The following SCHIP1 variants were observed in gnomAD, a reference collection of about 807,000 sequenced individuals.
SCHIP1 encodes the protein schwannomin-interacting protein 1.
Under a neutral mutation model 29.7 loss-of-function variants are expected in SCHIP1, and 8 were observed. The observed-to-expected ratio is 0.27, with a 90% CI of 0.16 to 0.49. The LOEUF (loss-of-function observed/expected upper bound fraction) is 0.49. Ranked by LOEUF, SCHIP1 falls within the 20% of genes least tolerant of loss-of-function variation. SCHIP1 has a pLI of 0.99. For missense variants in SCHIP1, 193 were observed against 294.6 expected (o/e 0.66, Z 2.52); for synonymous variants, 76 against 94.9 (o/e 0.80, Z 1.16).
chr3:159,710,923 C>T, the SCHIP1 span, among the ~76,000 whole-genome samples: 25 of 152,074 alleles, frequency 1.6e-4, no homozygotes, highest in African/African-American at 5.8e-4. Context: ...AGCCTCTGGC[C>T]CTACCTTTCT....
At chr3:159,568,802 A>C in the SCHIP1 span, among the ~76,000 whole-genome samples, 1 of 152,118 alleles carries the variant, frequency 6.6e-6, no homozygotes, top group South Asian at 2.1e-4. Flanking sequence ...TTCGTCTATC[A>C]ATTACTGACA....
the SCHIP1 span, among the ~76,000 whole-genome samples, chr3:159,275,480 G>A: frequency 1.3e-5 from 2 of 152,080 alleles, no homozygotes; most frequent in Non-Finnish European, 2.9e-5. Flanking sequence ...CTGTGAAATG[G>A]TGTCAGATTT....
chr3:159,408,560 G>A, the SCHIP1 span, among the ~76,000 whole-genome samples: 8 of 152,124 alleles, frequency 5.3e-5, no homozygotes, highest in Middle Eastern at 3.4e-3. Context: ...CAATAAATTG[G>A]AAAACCTAGA....
Position 159,886,233 on chromosome 3 carries a change from T to TA in SCHIP1, c.177dup (p.Cys60MetfsTer9). On this transcript the variant is annotated frameshift_variant, in exon 3 of 7. Transcript: ENST00000445224. LOFTEE classifies it high-confidence loss of function. Reference sequence around the variant, plus strand: ...CTGCAGAGTGGGATGAACTTGCAGATATGCTTTGTCAACGACAGTGGCAGT... The same window carrying TA: ...CTGCAGAGTGGGATGAACTTGCAGATAATGCTTTGTCAACGACAGTGGCAGT... 1 of 1,614,220 alleles carries TA rather than the reference T, an allele frequency of 6.2e-7. No individual in the cohort carries two copies. The highest frequency in any genetic ancestry group is 2.2e-5 in the East Asian group (1 of 44,888).
chr3:159,517,762 T>C, the SCHIP1 span, among the ~76,000 whole-genome samples: 1 of 151,994 alleles, frequency 6.6e-6, no homozygotes, highest in Non-Finnish European at 1.5e-5. Flanking sequence ...TTCTTAATGG[T>C]TTCCAAAACC....
At chr3:159,410,436 AT>A in the SCHIP1 span, among the ~76,000 whole-genome samples, 43 of 152,148 alleles carry the variant, frequency 2.8e-4, no homozygotes, top group Admixed American at 6.6e-4. Context: ...TATAGAAAAA[AT>A]ATCTAATAAT....
At chr3:159,713,972 C>T in the SCHIP1 span, among the ~76,000 whole-genome samples, 1 of 152,224 alleles carries the variant, frequency 6.6e-6, no homozygotes, top group East Asian at 1.9e-4. Flanking sequence ...CACAGTGGCT[C>T]ATGCCTGTAA....
chr3:159,541,779 A>G, the SCHIP1 span, among the ~76,000 whole-genome samples: 1 of 152,132 alleles, frequency 6.6e-6, no homozygotes, highest in Admixed American at 6.6e-5. Flanking sequence ...AAATGTTAAA[A>G]TAGTCCATGC....
chr3:159,847,256 C>T (rs1398419260), intron 1 of SCHIP1, among the ~76,000 whole-genome samples: 1 of 152,062 alleles, frequency 6.6e-6, no homozygotes, highest in East Asian at 1.9e-4. Flanking sequence ...ATACATAACG[C>T]ACAAATATAT....
the SCHIP1 span, among the ~76,000 whole-genome samples, chr3:159,507,839 C>T: frequency 6.6e-6 from 1 of 152,184 alleles, no homozygotes; most frequent in Non-Finnish European, 1.5e-5. Context: ...AGTGGATAAG[C>T]TTTTTGATGT....
At chr3:159,892,346 C>A in intron 6 of SCHIP1, 156 bp downstream of exon 7, 4 of 796,958 alleles carry the variant, frequency 5.0e-6, no homozygotes, top group South Asian at 1.7e-5. Context: ...GGAGGGGAAG[C>A]AGAATTCCAT....
the SCHIP1 span, among the ~76,000 whole-genome samples, chr3:159,455,205 T>C: frequency 3.3e-5 from 5 of 152,212 alleles, no homozygotes; most frequent in Non-Finnish European, 5.9e-5. Context: ...ATGCATTTTT[T>C]ACCTAGAGCC....
chr3:159,448,222 C>G, the SCHIP1 span, among the ~76,000 whole-genome samples: 7 of 152,128 alleles, frequency 4.6e-5, no homozygotes, highest in Non-Finnish European at 7.3e-5. Context: ...GCCTGTGATC[C>G]CAGCACTTTG....
chr3:159,554,155 C>T, the SCHIP1 span, among the ~76,000 whole-genome samples: 2 of 152,142 alleles, frequency 1.3e-5, no homozygotes, highest in Non-Finnish European at 2.9e-5. Flanking sequence ...CAGGCGTGAG[C>T]CACCTCGCCC....
the SCHIP1 span, among the ~76,000 whole-genome samples, chr3:159,277,717 T>C: frequency 6.6e-6 from 1 of 150,574 alleles, no homozygotes; most frequent in Non-Finnish European, 1.5e-5. Flanking sequence ...AGGTCAGGAG[T>C]TCGAGACCAG....
chr3:159,361,315 A>T, the SCHIP1 span, among the ~76,000 whole-genome samples: 2 of 152,250 alleles, frequency 1.3e-5, no homozygotes, highest in Admixed American at 6.5e-5. Context: ...GCAATTAGTT[A>T]TGAAGTTACC....
At chr3:159,788,645 CTTCA>C in the SCHIP1 span, among the ~76,000 whole-genome samples, 391 of 152,282 alleles carry the variant, frequency 2.6e-3, no homozygotes, top group Non-Finnish European at 4.7e-3. Flanking sequence ...GTTCACCACA[CTTCA>C]TTCATTCACC....
the SCHIP1 span, among the ~76,000 whole-genome samples, chr3:159,361,792 T>A: frequency 1.3e-5 from 2 of 152,184 alleles, no homozygotes; most frequent in African/African-American, 4.8e-5. Flanking sequence ...TGGGTGTGGG[T>A]TGTGATTTAA....
At chr3:159,594,044 G>C in the SCHIP1 span, among the ~76,000 whole-genome samples, 2 of 152,208 alleles carry the variant, frequency 1.3e-5, no homozygotes, top group Non-Finnish European at 2.9e-5. Flanking sequence ...CAGCATTGCT[G>C]TCTGCTAACT....
Sources: allele counts gnomAD v4.1 joint callset (sites outside exome capture counted in the v4.1 genomes callset), GRCh38; gene constraint gnomAD v4.1.1; transcripts MANE v1.5; gene names NCBI Gene and HGNC (gene_info 2026-07-23, HGNC 2026-07-21).